The following OSBPL9 variants were observed in gnomAD, a reference collection of about 807,000 sequenced individuals.
OSBPL9 encodes oxysterol binding protein like 9.
OSBPL9 carries 40 observed loss-of-function variants against 106.6 expected under a neutral mutation model. The ratio of observed to expected loss-of-function variants is 0.38; its 90% CI spans 0.29 to 0.49. OSBPL9 has a LOEUF of 0.49. Among genes scored for constraint, OSBPL9 ranks in the 20% least tolerant of loss-of-function variants. OSBPL9 has a pLI of 0.97. For missense variants in OSBPL9, 609 were observed against 887.2 expected (o/e 0.69, Z 3.98); for synonymous variants, 269 against 295.4 (o/e 0.91, Z 0.92).
chr1:51,588,157 C>T (rs539177893), intron 1 of OSBPL9, among the ~76,000 whole-genome samples: 3 of 152,078 alleles, frequency 2.0e-5, no homozygotes, highest in Non-Finnish European at 2.9e-5. Context: ...CCGAGGTGGG[C>T]AGGTCACCTG....
rs913858316 is a variant in OSBPL9, at chr1:51,788,883, A to T, written c.*1094A>T. Reference sequence around the variant, plus strand: ...CATCTTTTTTATTTAAAAATACATTAAAAAAACAGGTATTAGTACCTAGCA... The same window carrying T: ...CATCTTTTTTATTTAAAAATACATTTAAAAAACAGGTATTAGTACCTAGCA... On this transcript the variant is annotated 3_prime_UTR_variant, in exon 24 of 24. Coordinates refer to ENST00000428468, the MANE Select transcript of OSBPL9 (RefSeq NM_024586.6). Among the ~76,000 whole-genome samples, 4 of 150,886 alleles carry T rather than the reference A, an allele frequency of 2.7e-5. No individual in the cohort carries two copies. The highest frequency in any genetic ancestry group is 7.4e-5 in the African/African-American group (3 of 40,520).
chr1:51,707,681 A>G (rs1008686192), intron 3 of OSBPL9: 2 of 204,680 alleles, frequency 9.8e-6, no homozygotes, highest in East Asian at 1.1e-4. Context: ...GCAGTGATCA[A>G]TTGGTGGTGC....
At chr1:51,530,605 C>T in the OSBPL9 span, among the ~76,000 whole-genome samples, 1 of 151,708 alleles carries the variant, frequency 6.6e-6, no homozygotes, top group Admixed American at 6.6e-5. Flanking sequence ...AAAAAATTAG[C>T]CAGGCATAGT....
At chr1:51,698,361 C>T (rs1452477156) in intron 3 of OSBPL9, among the ~76,000 whole-genome samples, 1 of 152,028 alleles carries the variant, frequency 6.6e-6, no homozygotes, top group Non-Finnish European at 1.5e-5. Flanking sequence ...CCCAAATCAG[C>T]ATTTTAAAAA....
intron 4 of OSBPL9, among the ~76,000 whole-genome samples, chr1:51,732,997 A>G (rs1292295408): frequency 2.0e-5 from 3 of 152,152 alleles, no homozygotes; most frequent in Admixed American, 6.5e-5. Flanking sequence ...TCTTGCTTAG[A>G]TTACCCCACT....
At chr1:51,654,020 A>G (rs935611745) in intron 2 of OSBPL9, among the ~76,000 whole-genome samples, 1 of 149,466 alleles carries the variant, frequency 6.7e-6, no homozygotes, top group Non-Finnish European at 1.5e-5. Flanking sequence ...AAAAAAAAGA[A>G]AAAAAAAAAA....
At chr1:51,786,820 T>C (rs891425220) in intron 22 of OSBPL9, among the ~76,000 whole-genome samples, 3 of 152,206 alleles carry the variant, frequency 2.0e-5, no homozygotes, top group African/African-American at 7.2e-5. Context: ...CTTTACCTTC[T>C]TTCCTGAAAT....
chr1:51,560,895 G>T, the OSBPL9 span: 1 of 152,176 alleles, frequency 6.6e-6, no homozygotes, highest in Non-Finnish European at 1.5e-5. Flanking sequence ...CACCTCCAAG[G>T]ATCACGTAGG....
chr1:51,612,575 T>C (rs1167000857), upstream of OSBPL9, among the ~76,000 whole-genome samples: 1 of 152,232 alleles, frequency 6.6e-6, no homozygotes, highest in Non-Finnish European at 1.5e-5. Flanking sequence ...ACACTTTGTG[T>C]AGAATGTAGA....
At chr1:51,730,142 G>A (rs1664053519) in intron 4 of OSBPL9, 1 of 1,245,628 alleles carries the variant, frequency 8.0e-7, no homozygotes, top group South Asian at 4.1e-5. Context: ...GGACGACGTG[G>A]CTGCCCGGGC....
chr1:51,528,760 C>T, the OSBPL9 span, among the ~76,000 whole-genome samples: 1 of 151,876 alleles, frequency 6.6e-6, no homozygotes, highest in Middle Eastern at 3.2e-3. Context: ...ATAGTCCCAG[C>T]TCCTCAGGGG....
Position 51,781,191 on chromosome 1 carries a change from T to G in OSBPL9, c.1284T>G (p.Asp428Glu). ...VSISDQKDPK[D>E]RMVQVVKWYL... ...TTAGTGACCAGAAGGATCCCAAGGA[T>G]CGAATGGTTCAGGTTGTGAAATGGT... Residue 428 changes from aspartate to glutamate, a missense_variant, in exon 16 of 24, where the codon GAT becomes GAG. By Grantham distance (45) the Asp-to-Glu change is conservative (BLOSUM62 2). Transcript: ENST00000428468. The G allele has an allele frequency of 6.2e-7, 1 of 1,613,968 alleles. No homozygotes were observed. The highest frequency in any genetic ancestry group is 8.5e-7 in the Non-Finnish European group (1 of 1,179,992).
chr1:51,533,530 A>AG, the OSBPL9 span, among the ~76,000 whole-genome samples: 1 of 151,684 alleles, frequency 6.6e-6, no homozygotes. Flanking sequence ...AAGAAAAAAA[A>AG]AGAGGGAAGT....
chr1:51,680,419 C>T (rs763239311), intron 3 of OSBPL9, among the ~76,000 whole-genome samples: 2 of 151,812 alleles, frequency 1.3e-5, no homozygotes, highest in Non-Finnish European at 2.9e-5. Flanking sequence ...TTTGCAAGGC[C>T]AAGGCGGGGT....
At chr1:51,525,488 A>T in the OSBPL9 span, among the ~76,000 whole-genome samples, 1 of 152,190 alleles carries the variant, frequency 6.6e-6, no homozygotes, top group African/African-American at 2.4e-5. Flanking sequence ...AACCCATGAC[A>T]TCTCACATTA....
chr1:51,666,135 G>A (rs1329666165), intron 2 of OSBPL9, among the ~76,000 whole-genome samples: 8 of 152,082 alleles, frequency 5.3e-5, no homozygotes, highest in Admixed American at 4.6e-4. Flanking sequence ...GGTGTGAGCC[G>A]CCGCACCCGG....
At chr1:51,616,777 A>G (rs1644068606), upstream of OSBPL9, 3 of 226,708 alleles carry the variant, frequency 1.3e-5, no homozygotes, top group South Asian at 1.8e-4. Context: ...AATGAATATC[A>G]GATATGAAAT....
In OSBPL9 at chr1:51,699,031, T is replaced by C. The variant is rs141807098; in HGVS notation, c.242-14972T>C. Reference sequence around the variant, plus strand: ...GTAGATTAGATTGGTCAGAATAATATTGACTCTTGAATTTTCAGCTGGAAG... The same window carrying C: ...GTAGATTAGATTGGTCAGAATAATACTGACTCTTGAATTTTCAGCTGGAAG... On this transcript the variant is annotated intron_variant, in intron 3 of 23. Transcript: ENST00000428468. 1.9e-4 allele frequency among the ~76,000 whole-genome samples: 29 copies of C among 152,284 alleles called. No individual in the cohort carries two copies. The East Asian group carries it at 5.2e-3, about 27-fold the overall frequency.
chr1:51,681,749 C>G (rs1652605901), intron 3 of OSBPL9, among the ~76,000 whole-genome samples: 1 of 152,068 alleles, frequency 6.6e-6, no homozygotes, highest in Non-Finnish European at 1.5e-5. Context: ...ACCAAAATCG[C>G]AGATGCCCAC....
Sources: gnomAD v4.1 joint callset for allele counts (sites outside exome capture counted in the v4.1 genomes callset) on GRCh38, gnomAD v4.1.1 for gene constraint, MANE v1.5 for transcripts, NCBI Gene and HGNC (gene_info 2026-07-23, HGNC 2026-07-21) for gene names.